The following CAP2 variants were observed in gnomAD, a reference collection of about 807,000 sequenced individuals.
CAP2 encodes adenylyl cyclase-associated protein 2.
In CAP2, 24 loss-of-function variants were observed where a neutral mutation model predicts 57.7. The ratio of observed to expected loss-of-function variants is 0.42; its 90% CI spans 0.30 to 0.58. CAP2 has a LOEUF of 0.58. Among genes scored for constraint, CAP2 ranks in the 20% least tolerant of loss-of-function variants. The probability of loss-of-function intolerance (pLI) is 0.22; values close to 1 mark genes in which losing one functional copy is unlikely to be tolerated. For missense variants in CAP2, 501 were observed against 590.3 expected, an observed-to-expected ratio of 0.85 and a Z score of 1.57; for synonymous variants, 194 against 207.2, an observed-to-expected ratio of 0.94 and a Z score of 0.55.
intron 1 of CAP2, among the ~76,000 whole-genome samples, chr6:17,394,417 A>G (rs1042375155): frequency 9.9e-5 from 15 of 152,166 alleles, no homozygotes; most frequent in East Asian, 3.9e-4. Flanking sequence ...AGGGCCAAAA[A>G]TCAACCTGCA....
intron 2 of CAP2, among the ~76,000 whole-genome samples, chr6:17,425,235 A>G (rs769167011): frequency 1.1e-4 from 16 of 152,250 alleles, no homozygotes; most frequent in Non-Finnish European, 1.9e-4. Flanking sequence ...ATTTCTCAAT[A>G]TTAGGGACAT....
intron 7 of CAP2, chr6:17,536,458 G>T: frequency 3.2e-6 from 1 of 310,562 alleles, no homozygotes; most frequent in Non-Finnish European, 6.4e-6. Context: ...GACCAAGATG[G>T]AGTTTCAACT....
chr6:17,541,020 C>T lies in CAP2; in HGVS notation c.874C>T (p.Leu292=), dbSNP rs1462430680. The part of the protein sequence containing the change: ...DDQKTYKNPS[L]RAQGGQTQSP... ...CCAGAAGACATACAAAAATCCCAGC[C>T]TGCGGGCTCAAGGAGGGCAAACTCA... The change falls in exon 9 of 13, where the codon CTG becomes TTG. Residue 292 remains leucine, a synonymous_variant. Transcript: ENST00000229922. The T allele has an allele frequency of 5.0e-6, 8 of 1,614,016 alleles. No individual in the cohort carries two copies. The Admixed American group carries it at 5.0e-5, about 10-fold the overall frequency.
At chr6:17,406,398 C>CTTTTTTCTTTTTTTTTTT (rs1758970166) in intron 1 of CAP2, among the ~76,000 whole-genome samples, 1 of 102,472 alleles carries the variant, frequency 9.8e-6, no homozygotes. Context: ...GCCCAGATTT[C>CTTTTTTCTTTTTTTTTTT]TTTTTTTTTT....
chr6:17,477,375 A>C (rs1046752388), intron 4 of CAP2, among the ~76,000 whole-genome samples: 2 of 152,206 alleles, frequency 1.3e-5, no homozygotes, highest in Non-Finnish European at 2.9e-5. Context: ...GGTTACCCTA[A>C]ACTTAGTTGT....
At chr6:17,422,346 C>CTTTT (rs11320178) in intron 2 of CAP2, among the ~76,000 whole-genome samples, 32 of 90,254 alleles carry the variant, frequency 3.5e-4, no homozygotes, top group African/African-American at 4.3e-4. Flanking sequence ...ACCAACTATG[C>CTTTT]TTTTTTTTTT....
intron 4 of CAP2, among the ~76,000 whole-genome samples, chr6:17,478,121 C>G (rs1408734307): frequency 2.7e-5 from 4 of 150,370 alleles, no homozygotes; most frequent in African/African-American, 4.9e-5. Context: ...TATTGCAATC[C>G]TATAATGACC....
intron 1 of CAP2, among the ~76,000 whole-genome samples, chr6:17,406,637 C>T (rs2113510412): frequency 6.6e-6 from 1 of 152,132 alleles, no homozygotes; most frequent in African/African-American, 2.4e-5. Context: ...CATGATGTGC[C>T]TGCCTCGGCC....
At chr6:17,544,124 C>CAAAAAAAA (rs370684072) in intron 11 of CAP2, among the ~76,000 whole-genome samples, 1 of 107,240 alleles carries the variant, frequency 9.3e-6, no homozygotes, top group African/African-American at 4.2e-5. Context: ...GACTCTGTCT[C>CAAAAAAAA]AAAAAAAAAA....
At chr6:17,411,278 T>A (rs1443477318) in intron 1 of CAP2, among the ~76,000 whole-genome samples, 1 of 152,256 alleles carries the variant, frequency 6.6e-6, no homozygotes, top group Non-Finnish European at 1.5e-5. Context: ...AGTCTGTGTG[T>A]GAACATATAT....
At chr6:17,545,201 G>A (rs1255962909) in intron 11 of CAP2, among the ~76,000 whole-genome samples, 3 of 152,120 alleles carry the variant, frequency 2.0e-5, no homozygotes, top group Non-Finnish European at 4.4e-5. Flanking sequence ...AAAGTATCTT[G>A]GAAAGAATGC....
chr6:17,548,781 G>A (rs1763108600), intron 11 of CAP2, among the ~76,000 whole-genome samples: 1 of 152,176 alleles, frequency 6.6e-6, no homozygotes, highest in African/African-American at 2.4e-5. Context: ...AAGCAGACTA[G>A]CGAGCCCTGA....
chr6:17,522,128 G>C (rs1435108114), intron 7 of CAP2, among the ~76,000 whole-genome samples: 4 of 149,940 alleles, frequency 2.7e-5, no homozygotes, highest in Admixed American at 2.7e-4. Context: ...AAAAAGGAAA[G>C]AAAAAAAAAG....
chr6:17,400,678 A>G (rs769733932), intron 1 of CAP2, among the ~76,000 whole-genome samples: 2 of 151,940 alleles, frequency 1.3e-5, no homozygotes, highest in Non-Finnish European at 2.9e-5. Flanking sequence ...CCTAGCTAAC[A>G]TGGTGAAACC....
intron 4 of CAP2, among the ~76,000 whole-genome samples, chr6:17,486,225 A>G (rs1028303997): frequency 2.6e-5 from 4 of 152,202 alleles, no homozygotes; most frequent in Non-Finnish European, 5.9e-5. Flanking sequence ...AAACTCTGCA[A>G]AATCTTGGGA....
At chr6:17,547,228 C>T (rs1763067745) in intron 11 of CAP2, among the ~76,000 whole-genome samples, 1 of 152,160 alleles carries the variant, frequency 6.6e-6, no homozygotes, top group Non-Finnish European at 1.5e-5. Context: ...AAATAACAGT[C>T]TTATACCATT....
intron 1 of CAP2, among the ~76,000 whole-genome samples, chr6:17,413,463 G>A (rs1489803662): frequency 2.0e-5 from 3 of 152,094 alleles, no homozygotes; most frequent in Non-Finnish European, 2.9e-5. Context: ...GACTGAGCAG[G>A]GTTTGCTTTC....
At chr6:17,492,477 G>A (rs1223569794) in intron 4 of CAP2, among the ~76,000 whole-genome samples, 3 of 152,280 alleles carry the variant, frequency 2.0e-5, no homozygotes, top group Non-Finnish European at 4.4e-5. Flanking sequence ...TTATATCCTG[G>A]ACTATGTGCC....
intron 1 of CAP2, among the ~76,000 whole-genome samples, chr6:17,396,096 G>C (rs1025664485): frequency 3.3e-5 from 5 of 152,044 alleles, no homozygotes; most frequent in Non-Finnish European, 5.9e-5. Flanking sequence ...TCAAAACCAC[G>C]ATGGGATACC....
Sources: gnomAD v4.1 joint callset for allele counts (sites outside exome capture counted in the v4.1 genomes callset) on GRCh38, gnomAD v4.1.1 for gene constraint, MANE v1.5 for transcripts, NCBI Gene and HGNC (gene_info 2026-07-23, HGNC 2026-07-21) for gene names.